Variants in GRID1 observed in about 807,000 individuals in gnomAD.
GRID1 encodes glutamate receptor ionotropic, delta-1.
GRID1 carries 28 observed loss-of-function variants against 98.0 expected under a neutral mutation model. The observed-to-expected ratio is 0.29, with a 90% CI of 0.21 to 0.39. The LOEUF is 0.39. GRID1 is among the 10% of genes least tolerant of loss of function. The probability of loss-of-function intolerance (pLI) is 1.00; values close to 1 mark genes in which losing one functional copy is unlikely to be tolerated. For missense variants in GRID1, 1,111 were observed against 1,340.5 expected (o/e 0.83, Z 2.67); for synonymous variants, 553 against 538.5 (o/e 1.03, Z -0.37).
At chr10:85,754,985 G>C (rs1010928807) in intron 8 of GRID1, among the ~76,000 whole-genome samples, 5 of 152,118 alleles carry the variant, frequency 3.3e-5, no homozygotes, top group Admixed American at 6.5e-5. Flanking sequence ...GGATGCTTTT[G>C]AATCAGCCTA....
chr10:86,271,703 A>G (rs1292640116), intron 2 of GRID1, among the ~76,000 whole-genome samples: 3 of 152,244 alleles, frequency 2.0e-5, no homozygotes, highest in Admixed American at 2.0e-4. Context: ...ACATGGAAAA[A>G]GAAACTATCC....
At chr10:86,046,674 T>A (rs1448535188) in intron 4 of GRID1, among the ~76,000 whole-genome samples, 1 of 152,014 alleles carries the variant, frequency 6.6e-6, no homozygotes, top group Non-Finnish European at 1.5e-5. Flanking sequence ...CATCTCCCCA[T>A]CCCACCAGAG....
chr10:86,269,906 G>C (rs764652375), intron 2 of GRID1, among the ~76,000 whole-genome samples: 24 of 152,094 alleles, frequency 1.6e-4, no homozygotes, highest in Non-Finnish European at 3.4e-4. Context: ...CGGGCACTAA[G>C]ACCCCCTGTA....
intron 4 of GRID1, among the ~76,000 whole-genome samples, chr10:86,077,971 C>T (rs536698497): frequency 6.6e-6 from 1 of 152,366 alleles, no homozygotes; most frequent in East Asian, 1.9e-4. Context: ...TCCTGTGAGG[C>T]TGCCCAAGGG....
intron 8 of GRID1, among the ~76,000 whole-genome samples, chr10:85,741,121 A>G (rs1265161956): frequency 1.3e-5 from 2 of 152,136 alleles, no homozygotes; most frequent in Non-Finnish European, 2.9e-5. Context: ...ATCTTGTTTG[A>G]AAAACTAATA....
intron 5 of GRID1, among the ~76,000 whole-genome samples, chr10:85,915,093 T>C (rs1368178600): frequency 6.6e-6 from 1 of 152,136 alleles, no homozygotes; most frequent in Non-Finnish European, 1.5e-5. Context: ...GTGTTGCCAT[T>C]CCTCCCTGGG....
At chr10:85,657,735 G>A (rs548145753) in intron 12 of GRID1, among the ~76,000 whole-genome samples, 1 of 152,176 alleles carries the variant, frequency 6.6e-6, no homozygotes, top group Non-Finnish European at 1.5e-5. Context: ...TTGCCAAGGA[G>A]TCTGGGAATC....
chr10:85,868,473 A>G (rs963676969), intron 6 of GRID1, among the ~76,000 whole-genome samples: 8 of 152,184 alleles, frequency 5.3e-5, no homozygotes, highest in African/African-American at 1.7e-4. Flanking sequence ...GGGCCTTGGA[A>G]GGAACCATGC....
At chr10:86,341,381 G>A (rs1024059797) in intron 2 of GRID1, among the ~76,000 whole-genome samples, 1 of 152,130 alleles carries the variant, frequency 6.6e-6, no homozygotes, top group Admixed American at 6.5e-5. Context: ...TGAGGCCCTG[G>A]TGGGACCCTG....
At chr10:86,106,648 T>C (rs1220685551) in intron 4 of GRID1, among the ~76,000 whole-genome samples, 1 of 151,982 alleles carries the variant, frequency 6.6e-6, no homozygotes, top group Non-Finnish European at 1.5e-5. Context: ...GCTGCACACT[T>C]GGGCCAAGTC....
At chr10:86,164,274 A>G (rs1845366534) in intron 3 of GRID1, among the ~76,000 whole-genome samples, 1 of 152,210 alleles carries the variant, frequency 6.6e-6, no homozygotes, top group African/African-American at 2.4e-5. Context: ...CCCAGGAACC[A>G]GAAGGAAAGA....
chr10:85,774,557 A>G lies in GRID1; in HGVS notation c.1234-44943T>C, dbSNP rs907946923. Among the ~76,000 whole-genome samples the G allele has an allele frequency of 2.2e-4, 34 of 151,964 alleles. No individual in the cohort carries two copies. The East Asian group carries it at 3.5e-3, about 16-fold the overall frequency. On this transcript the variant is annotated intron_variant, in intron 8 of 15. Transcript: ENST00000327946. ...ACAGGCAACCTACAACATGGGAGAA[A>G]ATTTTCGCAACCTACTCATCTGACA...
At chr10:85,778,622 T>G (rs1382745530) in intron 8 of GRID1, among the ~76,000 whole-genome samples, 1 of 152,166 alleles carries the variant, frequency 6.6e-6, no homozygotes, top group African/African-American at 2.4e-5. Context: ...CTGTGTGCTG[T>G]GCTGATGATT....
At chr10:86,312,685 A>G (rs762368220) in intron 2 of GRID1, among the ~76,000 whole-genome samples, 2 of 152,258 alleles carry the variant, frequency 1.3e-5, no homozygotes, top group Non-Finnish European at 2.9e-5. Flanking sequence ...TCACAAGGTG[A>G]CTTGGGAGAC....
At chr10:86,201,528 G>A (rs1197612532) in intron 3 of GRID1, among the ~76,000 whole-genome samples, 1 of 152,124 alleles carries the variant, frequency 6.6e-6, no homozygotes, top group African/African-American at 2.4e-5. Context: ...GGGCCTATGG[G>A]AGGGTGGAGA....
At chr10:85,789,804 C>T (rs899018688) in intron 8 of GRID1, among the ~76,000 whole-genome samples, 5 of 152,136 alleles carry the variant, frequency 3.3e-5, no homozygotes, top group Non-Finnish European at 7.3e-5. Flanking sequence ...TGAACATCCC[C>T]ACACTGTGGC....
intron 3 of GRID1, among the ~76,000 whole-genome samples, chr10:86,148,586 G>A (rs1034881501): frequency 1.1e-4 from 16 of 151,924 alleles, no homozygotes; most frequent in African/African-American, 2.7e-4. Context: ...TTGCATATTC[G>A]AAAATTCATA....
chr10:86,055,194 T>A (rs907385971), intron 4 of GRID1, among the ~76,000 whole-genome samples: 2 of 152,194 alleles, frequency 1.3e-5, no homozygotes, highest in African/African-American at 4.8e-5. Flanking sequence ...TAAAACGTGG[T>A]TGTTGCCTAA....
chr10:86,039,725 A>G (rs1843319665), intron 4 of GRID1, among the ~76,000 whole-genome samples: 2 of 152,234 alleles, frequency 1.3e-5, no homozygotes, highest in African/African-American at 4.8e-5. Flanking sequence ...GTAGGTCCTA[A>G]GCAATGCATT....
Sources: gnomAD v4.1 joint callset for allele counts (sites outside exome capture counted in the v4.1 genomes callset) on GRCh38, gnomAD v4.1.1 for gene constraint, MANE v1.5 for transcripts, NCBI Gene and HGNC (gene_info 2026-07-23, HGNC 2026-07-21) for gene names.